The following TRPC4AP variants were observed in gnomAD, a reference collection of about 807,000 sequenced individuals.
TRPC4AP encodes the protein transient receptor potential cation channel subfamily C member 4 associated protein, also known as short transient receptor potential channel 4-associated protein.
Under a neutral mutation model 99.0 loss-of-function variants are expected in TRPC4AP, and 45 were observed. The observed-to-expected ratio is 0.45, with a 90% CI of 0.36 to 0.58. TRPC4AP has a LOEUF of 0.58. Ranked by LOEUF, TRPC4AP falls within the 20% of genes least tolerant of loss-of-function variation. The probability of loss-of-function intolerance (pLI) is 0.00; values close to 1 mark genes in which losing one functional copy is unlikely to be tolerated. For synonymous variants in TRPC4AP, 408 were observed against 385.8 expected, an observed-to-expected ratio of 1.06 and a Z score of -0.67; for missense variants, 879 against 985.3, an observed-to-expected ratio of 0.89 and a Z score of 1.44.
chr20:35,024,825 C>CCAAAAAAAAAAAAA (rs1555904985), intron 8 of TRPC4AP, among the ~76,000 whole-genome samples: 584 of 35,676 alleles, frequency 0.016, 129 homozygotes, highest in East Asian at 0.037. Flanking sequence ...GAGACCGTCT[C>CCAAAAAAAAAAAAA]AAAAAAAAAA....
intron 7 of TRPC4AP, among the ~76,000 whole-genome samples, chr20:35,041,430 A>C (rs888330742): frequency 6.6e-6 from 1 of 152,154 alleles, no homozygotes; most frequent in Non-Finnish European, 1.5e-5. Context: ...TGGAACTACA[A>C]CTTTTAGGCT....
chr20:35,071,220 A>C (rs1039069602), intron 2 of TRPC4AP, among the ~76,000 whole-genome samples: 1 of 152,112 alleles, frequency 6.6e-6, no homozygotes, highest in African/African-American at 2.4e-5. Flanking sequence ...TCTGAAGAAC[A>C]CTGTCATTCA....
At chr20:35,061,409 A>T (rs1487166984) in intron 3 of TRPC4AP, among the ~76,000 whole-genome samples, 1 of 152,234 alleles carries the variant, frequency 6.6e-6, no homozygotes, top group Non-Finnish European at 1.5e-5. Context: ...AATACTCCCT[A>T]AATTGACCTA....
intron 2 of TRPC4AP, 128 bp downstream of exon 2, chr20:35,077,918 A>G (rs529120415): frequency 9.2e-7 from 1 of 1,089,410 alleles, no homozygotes; most frequent in African/African-American, 1.6e-5. Context: ...AATTTCTCAA[A>G]TTTTCTATAG....
chr20:35,069,378 G>A lies in TRPC4AP; in HGVS notation c.332C>T (p.Ala111Val). The change falls in exon 3 of 19, where the codon GCA (alanine) becomes GTA (valine). Residue 111 changes from alanine (A) to valine (V), a missense_variant. Physicochemically the swap from Ala to Val is moderately conservative, Grantham distance 64. Transcript: ENST00000252015. ...AAGTTTCCTCTCTTCAGTAACAAAT[G>A]CCATAGCCTCCATGGAGAGAAGAGG... ...ISPLLSMEAM[A>V]FVTEERKLTQ... The A allele has an allele frequency of 6.2e-7, 1 of 1,612,444 alleles. No individual in the cohort carries two copies. The highest frequency in any genetic ancestry group is 8.5e-7 in the Non-Finnish European group (1 of 1,178,714).
chr20:35,012,832 G>C (rs187169831), intron 11 of TRPC4AP, among the ~76,000 whole-genome samples, 176 bp downstream of exon 11: 67 of 152,358 alleles, frequency 4.4e-4, no homozygotes, highest in South Asian at 2.9e-3. Context: ...CCATAAGGAA[G>C]TCTGGAAAGA....
intron 7 of TRPC4AP, 99 bp downstream of exon 7, chr20:35,044,400 GAAAAAA>G: frequency 4.5e-6 from 4 of 879,328 alleles, no homozygotes; most frequent in Non-Finnish European, 6.4e-6. Context: ...CTCAAAAAAG[GAAAAAA>G]AAAAAAAAAG....
chr20:35,059,198 G>A (rs2083915845), intron 3 of TRPC4AP, among the ~76,000 whole-genome samples: 1 of 152,056 alleles, frequency 6.6e-6, no homozygotes, highest in Non-Finnish European at 1.5e-5. Context: ...AAAGGAGAGA[G>A]GATACAGATT....
At chr20:35,090,057 T>A (rs6060215) in intron 1 of TRPC4AP, among the ~76,000 whole-genome samples, 87,861 of 149,674 alleles carry the variant, frequency 0.59, 26,746 homozygotes, top group Middle Eastern at 0.74. Flanking sequence ...GAAGTTGAGC[T>A]TGCCACTGCA....
chr20:35,048,945 A>T (rs533950231), intron 6 of TRPC4AP, among the ~76,000 whole-genome samples: 33 of 152,194 alleles, frequency 2.2e-4, no homozygotes, highest in Non-Finnish European at 4.4e-4. Context: ...CTGGGCAATG[A>T]CAAGCAAGGC....
At chr20:35,049,805 T>G in intron 6 of TRPC4AP, 61 bp downstream of exon 6, 1 of 1,544,006 alleles carries the variant, frequency 6.5e-7, no homozygotes, top group Non-Finnish European at 8.7e-7. Flanking sequence ...TTATTCAGTT[T>G]TGAGAATCCA....
At chr20:35,082,803 T>C (rs1164207008) in intron 1 of TRPC4AP, among the ~76,000 whole-genome samples, 1 of 152,242 alleles carries the variant, frequency 6.6e-6, no homozygotes, top group Non-Finnish European at 1.5e-5. Context: ...AATAATGATA[T>C]GAATACCTCA....
rs775095019 is a variant in TRPC4AP at position 35,044,526 on chromosome 20, A to G, written c.844T>C (p.Ser282Pro). Reference protein sequence around the residue: ...QQKKSLSLGPSAAEINQAALL... With the variant: ...QQKKSLSLGPPAAEINQAALL... ...TTACCTTGATTGATTTCAGCTGCAG[A>G]AGGCCCCAAACTCAAGCTCTTCTTC... is the stretch of plus-strand genomic sequence containing the variant. Residue 282 changes from serine (S) to proline (P), a missense_variant, in exon 7 of 19, where the codon TCT (serine) becomes CCT (proline). By Grantham distance (74) the Ser-to-Pro change is moderately conservative. Around this residue, in one of 3 missense-constraint regions of TRPC4AP, gnomAD observed 603 missense variants for 631.8 expected, o/e 0.95. Coordinates refer to ENST00000252015, the MANE Select transcript of TRPC4AP (RefSeq NM_015638.3). 2 of 1,614,044 alleles carry G rather than the reference A, an allele frequency of 1.2e-6. No individual in the cohort carries two copies. Among genetic ancestry groups the G allele is most frequent in the Non-Finnish European group, 1.7e-6 (2 of 1,179,956 alleles).
chr20:35,047,296 T>C (rs182280338), intron 6 of TRPC4AP, among the ~76,000 whole-genome samples: 64 of 152,364 alleles, frequency 4.2e-4, no homozygotes, highest in Admixed American at 4.2e-3. Flanking sequence ...TTAATTATTA[T>C]TGCCTTGCCA....
At chr20:35,086,056 C>A (rs2084834803) in intron 1 of TRPC4AP, among the ~76,000 whole-genome samples, 1 of 150,100 alleles carries the variant, frequency 6.7e-6, no homozygotes, top group African/African-American at 2.5e-5. Flanking sequence ...CCCCTCCCAG[C>A]CCCCCACACC....
chr20:35,091,226 G>T (rs1485623682), intron 1 of TRPC4AP, among the ~76,000 whole-genome samples: 1 of 151,930 alleles, frequency 6.6e-6, no homozygotes, highest in Non-Finnish European at 1.5e-5. Flanking sequence ...CTGGATTCAA[G>T]CGATCTGCCT....
chr20:35,035,022 G>A, intron 8 of TRPC4AP, 101 bp downstream of exon 8: 10 of 1,317,634 alleles, frequency 7.6e-6, no homozygotes, highest in Non-Finnish European at 1.0e-5. Flanking sequence ...ATTCTACTCT[G>A]AGCAAATCTC....
chr20:35,033,933 C>G (rs1478789450), intron 8 of TRPC4AP, among the ~76,000 whole-genome samples: 1 of 15,640 alleles, frequency 6.4e-5, no homozygotes, highest in Non-Finnish European at 1.4e-4. Flanking sequence ...ATCATGAGGT[C>G]AGGAGATCGA....
intron 3 of TRPC4AP, among the ~76,000 whole-genome samples, chr20:35,063,146 T>C (rs1261625865): frequency 6.6e-6 from 1 of 152,244 alleles, no homozygotes; most frequent in Non-Finnish European, 1.5e-5. Context: ...TATAAGTGTC[T>C]GGCATTTCCC....
Sources: allele counts gnomAD v4.1 joint callset (sites outside exome capture counted in the v4.1 genomes callset), GRCh38; gene constraint gnomAD v4.1.1; regional missense constraint gnomAD v4.1.1; transcripts MANE v1.5; gene names NCBI Gene and HGNC (gene_info 2026-07-23, HGNC 2026-07-21).